Variants in ZNF804B observed in about 807,000 individuals in gnomAD.
The protein encoded by ZNF804B is zinc finger 804B.
A neutral mutation model predicts 101.4 loss-of-function variants in ZNF804B; 80 were observed. The ratio of observed to expected loss-of-function variants is 0.79; its 90% CI spans 0.66 to 0.95. The LOEUF is 0.95. Among genes scored for constraint, ZNF804B ranks in the 40% least tolerant of loss-of-function variants. The pLI is 0.00. For synonymous variants in ZNF804B, 622 were observed against 558.8 expected, an observed-to-expected ratio of 1.11 and a Z score of -1.59; for missense variants, 1,673 against 1,561.9, an observed-to-expected ratio of 1.07 and a Z score of -1.20.
chr7:88,900,865 T>G (rs1368099366), intron 1 of ZNF804B, among the ~76,000 whole-genome samples: 1 of 151,652 alleles, frequency 6.6e-6, no homozygotes, highest in Non-Finnish European at 1.5e-5. Flanking sequence ...TTATACAGAA[T>G]TGCTCTGCTT....
intron 1 of ZNF804B, among the ~76,000 whole-genome samples, chr7:88,788,980 C>A (rs1033533219): frequency 6.6e-6 from 1 of 152,064 alleles, no homozygotes; most frequent in African/African-American, 2.4e-5. Context: ...TCTACTTATG[C>A]TTAAATAAAA....
intron 1 of ZNF804B, among the ~76,000 whole-genome samples, chr7:89,166,636 C>T (rs1307814450): frequency 4.6e-5 from 7 of 152,112 alleles, no homozygotes; most frequent in African/African-American, 1.7e-4. Context: ...TTTGAGAGTA[C>T]TTTGAGCATC....
chr7:89,135,105 T>A (rs1790611068), intron 1 of ZNF804B, among the ~76,000 whole-genome samples: 1 of 152,112 alleles, frequency 6.6e-6, no homozygotes, highest in Admixed American at 6.6e-5. Flanking sequence ...TAATGAACTG[T>A]TTCAAAGCGA....
intron 1 of ZNF804B, among the ~76,000 whole-genome samples, chr7:89,096,094 G>T (rs1388402839): frequency 6.6e-6 from 1 of 150,932 alleles, no homozygotes; most frequent in Non-Finnish European, 1.5e-5. Context: ...GGCGGAGCTT[G>T]CAGTGAGTGG....
chr7:89,245,867 T>G (rs1789437388), intron 2 of ZNF804B, among the ~76,000 whole-genome samples: 1 of 152,146 alleles, frequency 6.6e-6, no homozygotes, highest in Non-Finnish European at 1.5e-5. Context: ...ACAGCCTCCT[T>G]CTGTGACTCA....
chr7:89,087,931 A>C (rs954737330), intron 1 of ZNF804B, among the ~76,000 whole-genome samples: 7 of 151,452 alleles, frequency 4.6e-5, no homozygotes, highest in African/African-American at 1.7e-4. Context: ...AGATCTCTCA[A>C]CAAAATCATG....
rs1302468198 is a variant in ZNF804B, at chr7:89,132,486, C to T, written c.109-85669C>T. ...CTAGGGAAGCAGCATAGCACAGTGG[C>T]TACAAACAGAGTCAGGAGCCAGATT... On this transcript the variant is annotated intron_variant, in intron 1 of 3. Coordinates refer to ENST00000333190, the MANE Select transcript of ZNF804B (RefSeq NM_181646.5). 2.0e-5 allele frequency among the ~76,000 whole-genome samples: 3 copies of T among 151,938 alleles called. No homozygotes were observed. In the East Asian group the frequency reaches 5.8e-4, roughly 30 times the overall value.
At chr7:89,229,252 G>A (rs1030617926) in intron 2 of ZNF804B, among the ~76,000 whole-genome samples, 1 of 152,240 alleles carries the variant, frequency 6.6e-6, no homozygotes, top group African/African-American at 2.4e-5. Context: ...CTGAGAGTGA[G>A]CGAGGGCTGT....
chr7:88,929,394 C>T (rs544356041), intron 1 of ZNF804B, among the ~76,000 whole-genome samples: 2 of 151,818 alleles, frequency 1.3e-5, no homozygotes, highest in Admixed American at 1.3e-4. Flanking sequence ...AACTTACACA[C>T]TTACCAGTAC....
chr7:88,787,264 T>C (rs902391755), intron 1 of ZNF804B, among the ~76,000 whole-genome samples: 1 of 152,094 alleles, frequency 6.6e-6, no homozygotes, highest in Non-Finnish European at 1.5e-5. Context: ...TATTATAGAA[T>C]TTTGCTTTTT....
chr7:89,116,310 G>A (rs1278990961), intron 1 of ZNF804B, among the ~76,000 whole-genome samples: 1 of 152,030 alleles, frequency 6.6e-6, no homozygotes, highest in Non-Finnish European at 1.5e-5. Context: ...TATGATTTAA[G>A]ACAGGTATGG....
intron 1 of ZNF804B, among the ~76,000 whole-genome samples, chr7:89,041,331 G>A (rs928596797): frequency 1.4e-4 from 22 of 152,180 alleles, no homozygotes; most frequent in African/African-American, 5.1e-4. Flanking sequence ...CTGTATCTTT[G>A]TGGGCAGGCC....
intron 1 of ZNF804B, among the ~76,000 whole-genome samples, chr7:88,879,813 CG>C (rs1792006351): frequency 6.6e-6 from 1 of 151,932 alleles, no homozygotes; most frequent in African/African-American, 2.4e-5. Context: ...CTGAGGCAGG[CG>C]GATTGCTTGA....
chr7:89,205,119 A>G (rs987229962), intron 1 of ZNF804B, among the ~76,000 whole-genome samples: 3 of 152,132 alleles, frequency 2.0e-5, no homozygotes, highest in Non-Finnish European at 4.4e-5. Flanking sequence ...ATCTGATCTC[A>G]TAATTTATAT....
chr7:88,889,892 A>G (rs1406695583), intron 1 of ZNF804B, among the ~76,000 whole-genome samples: 1 of 152,020 alleles, frequency 6.6e-6, no homozygotes, highest in Non-Finnish European at 1.5e-5. Flanking sequence ...TTCTTCTAGG[A>G]TTTTTATAAT....
intron 1 of ZNF804B, among the ~76,000 whole-genome samples, chr7:89,056,415 A>G (rs12673532): frequency 0.77 from 117,625 of 151,952 alleles, 45,624 homozygotes; most frequent in African/African-American, 0.79. Context: ...ACCAAGTTGA[A>G]AACGGGGTTT....
chr7:88,898,098 T>C (rs1215136424), intron 1 of ZNF804B, among the ~76,000 whole-genome samples: 19 of 135,408 alleles, frequency 1.4e-4, no homozygotes, highest in African/African-American at 5.3e-4. Flanking sequence ...TTTTTTTTTT[T>C]TTTTTTGAGA....
chr7:88,814,751 T>G (rs1790850023), intron 1 of ZNF804B, among the ~76,000 whole-genome samples: 1 of 151,936 alleles, frequency 6.6e-6, no homozygotes, highest in South Asian at 2.1e-4. Flanking sequence ...TTTGATAATA[T>G]TAAGTGTCTA....
intron 1 of ZNF804B, among the ~76,000 whole-genome samples, chr7:89,010,927 A>C (rs544099206): frequency 7.2e-5 from 11 of 152,210 alleles, no homozygotes; most frequent in Non-Finnish European, 1.0e-4. Context: ...GAGTTAATTT[A>C]TTATTGGGCA....
Sources: gnomAD v4.1 joint callset for allele counts (sites outside exome capture counted in the v4.1 genomes callset) on GRCh38, gnomAD v4.1.1 for gene constraint, MANE v1.5 for transcripts, NCBI Gene and HGNC (gene_info 2026-07-23, HGNC 2026-07-21) for gene names.